SLC44A5: variants seen among roughly 807,000 people sequenced by gnomAD.
SLC44A5 encodes the protein solute carrier family 44 member 5.
Under a neutral mutation model 101.8 loss-of-function variants are expected in SLC44A5, and 57 were observed. That is an observed-to-expected ratio of 0.56 (90% CI 0.45 to 0.70). The LOEUF (loss-of-function observed/expected upper bound fraction) is 0.70, where lower values mean the gene tolerates loss of function less well. Ranked by LOEUF, SLC44A5 falls within the 30% of genes least tolerant of loss-of-function variation. The pLI is 0.00. For synonymous variants in SLC44A5, 281 were observed against 290.9 expected (o/e 0.97, Z 0.35); for missense variants, 737 against 853.1 (o/e 0.86, Z 1.70).
At chr1:75,605,473 A>G (rs958792661) in intron 1 of SLC44A5, among the ~76,000 whole-genome samples, 5 of 152,108 alleles carry the variant, frequency 3.3e-5, no homozygotes, top group African/African-American at 1.2e-4. Flanking sequence ...CTCCTTTCAT[A>G]TTAAAAAGCT....
intron 4 of SLC44A5, among the ~76,000 whole-genome samples, chr1:75,335,032 C>G (rs189203090): frequency 1.8e-4 from 28 of 152,260 alleles, no homozygotes; most frequent in Admixed American, 1.5e-3. Context: ...TTGATCATGT[C>G]ACACCAGTCC....
rs1374137999 is a variant in SLC44A5 at position 75,378,954 on chromosome 1, C to G, written c.52+17629G>C. ...CAGCTGCCCACTAGGAGACTTAATC[C>G]TATGGCACCACCTAGTAGACAGGGT... On this transcript the variant is annotated intron_variant, in intron 3 of 23. Transcript: ENST00000370859. Among the ~76,000 whole-genome samples, 3 of 81,280 alleles carry G rather than the reference C, an allele frequency of 3.7e-5. 1 individual carries two copies. The highest frequency in any genetic ancestry group is 6.3e-5 in the Non-Finnish European group (3 of 47,800). 53.3% of individuals were successfully genotyped at this position (81,280 alleles called of 152,430 possible). A position where few individuals can be genotyped will look rare whatever the true frequency, so the allele number is the denominator to read the frequency against.
intron 1 of SLC44A5, among the ~76,000 whole-genome samples, chr1:75,585,451 C>T (rs1255540041): frequency 2.0e-5 from 3 of 152,092 alleles, no homozygotes; most frequent in African/African-American, 7.2e-5. Context: ...GTAAAATATA[C>T]AAAAAGAATA....
At chr1:75,206,416 G>A in intron 23 of SLC44A5, 1 of 477,594 alleles carries the variant, frequency 2.1e-6, no homozygotes, top group South Asian at 4.2e-5. Context: ...ATCTTTAGCT[G>A]GGACCACTGT....
chr1:75,439,709 G>C (rs1037376661), intron 2 of SLC44A5, among the ~76,000 whole-genome samples: 1 of 152,106 alleles, frequency 6.6e-6, no homozygotes, highest in Non-Finnish European at 1.5e-5. Flanking sequence ...ACAAAGAGTA[G>C]ATTTAAAAGA....
chr1:75,317,306 GCTCTGC>G (rs1655767254), intron 4 of SLC44A5, among the ~76,000 whole-genome samples: 1 of 152,154 alleles, frequency 6.6e-6, no homozygotes, highest in African/African-American at 2.4e-5. Flanking sequence ...CAGGACCGAG[GCTCTGC>G]CTCAGCCAGT....
At chr1:75,480,699 A>T (rs562783763) in intron 2 of SLC44A5, among the ~76,000 whole-genome samples, 21 of 152,024 alleles carry the variant, frequency 1.4e-4, no homozygotes, top group Non-Finnish European at 2.5e-4. Flanking sequence ...CTTACAAGGG[A>T]TGTGAAGGAC....
chr1:75,472,314 A>C (rs992432848), intron 2 of SLC44A5, among the ~76,000 whole-genome samples: 3 of 152,132 alleles, frequency 2.0e-5, no homozygotes, highest in Non-Finnish European at 4.4e-5. Context: ...TTTTGAGAAG[A>C]AAGCCAAGGT....
intron 2 of SLC44A5, among the ~76,000 whole-genome samples, chr1:75,537,081 C>T (rs998822843): frequency 1.3e-4 from 17 of 128,716 alleles, no homozygotes; most frequent in Non-Finnish European, 2.7e-4. Flanking sequence ...AGCTTAAAAA[C>T]TTAAGTAACA....
intron 5 of SLC44A5, among the ~76,000 whole-genome samples, chr1:75,295,728 A>T (rs1653910921): frequency 6.6e-6 from 1 of 152,182 alleles, no homozygotes; most frequent in Admixed American, 6.5e-5. Context: ...GAAGATTAAG[A>T]TGAGCAATGG....
intron 3 of SLC44A5, among the ~76,000 whole-genome samples, chr1:75,369,200 A>C (rs1476304739): frequency 6.6e-6 from 1 of 151,374 alleles, no homozygotes; most frequent in Non-Finnish European, 1.5e-5. Flanking sequence ...TAATTTTTTG[A>C]AGAGACAGGG....
chr1:75,552,910 G>T (rs767636148), intron 1 of SLC44A5, among the ~76,000 whole-genome samples: 2 of 151,680 alleles, frequency 1.3e-5, no homozygotes, highest in African/African-American at 2.4e-5. Flanking sequence ...TTTCACCTTT[G>T]TTAATAAACG....
chr1:75,404,179 T>G (rs1429474192), intron 2 of SLC44A5, among the ~76,000 whole-genome samples: 2 of 151,982 alleles, frequency 1.3e-5, no homozygotes, highest in Non-Finnish European at 2.9e-5. Context: ...GAACAAAGCC[T>G]CCAAGAAATA....
At chr1:75,395,360 T>C (rs1261587505) in intron 3 of SLC44A5, among the ~76,000 whole-genome samples, 1 of 152,162 alleles carries the variant, frequency 6.6e-6, no homozygotes, top group Non-Finnish European at 1.5e-5. Context: ...AAAAACCATC[T>C]GCTGATACAT....
At chr1:75,360,562 C>G (rs891843154) in intron 3 of SLC44A5, among the ~76,000 whole-genome samples, 2 of 152,112 alleles carry the variant, frequency 1.3e-5, no homozygotes, top group African/African-American at 2.4e-5. Flanking sequence ...ATCAAAGAAA[C>G]TATCTTTTTT....
At chr1:75,522,652 C>T (rs2101898565) in intron 2 of SLC44A5, among the ~76,000 whole-genome samples, 1 of 152,298 alleles carries the variant, frequency 6.6e-6, no homozygotes, top group African/African-American at 2.4e-5. Context: ...TGGCTTAGAA[C>T]CTGTCCCCAA....
At chr1:75,317,321 G>C (rs1454289587) in intron 4 of SLC44A5, among the ~76,000 whole-genome samples, 1 of 152,200 alleles carries the variant, frequency 6.6e-6, no homozygotes, top group African/African-American at 2.4e-5. Context: ...GCCTCAGCCA[G>C]TTTCCCCACA....
At chr1:75,690,651 G>A in the SLC44A5 span, among the ~76,000 whole-genome samples, 1 of 152,186 alleles carries the variant, frequency 6.6e-6, no homozygotes, top group Non-Finnish European at 1.5e-5. Flanking sequence ...CATAGTGCTA[G>A]ATTTGATCTA....
Position 75,300,361 on chromosome 1 carries a change from A to G in SLC44A5, c.175+251T>C, listed in dbSNP as rs534659432. ...TAACAATGATTAAAAAGAAACCACA[A>G]ACTTTTCTCTTTCTGCTTTATAATT... On this transcript the variant is annotated intron_variant, in intron 5 of 23. Transcript: ENST00000370859. Among the ~76,000 whole-genome samples the G allele has an allele frequency of 3.4e-4, 51 of 152,234 alleles. No homozygotes were observed. In the South Asian group the frequency reaches 9.9e-3, roughly 30 times the overall value.
Sources: gnomAD v4.1 joint callset for allele counts (sites outside exome capture counted in the v4.1 genomes callset) on GRCh38, gnomAD v4.1.1 for gene constraint, MANE v1.5 for transcripts, NCBI Gene and HGNC (gene_info 2026-07-23, HGNC 2026-07-21) for gene names.